Variants in DUSP15 observed in about 807,000 individuals in gnomAD.
DUSP15 encodes dual specificity protein phosphatase 15.
Under a neutral mutation model 26.3 loss-of-function variants are expected in DUSP15, and 23 were observed. The ratio of observed to expected loss-of-function variants is 0.87; its 90% CI spans 0.63 to 1.24. The LOEUF (loss-of-function observed/expected upper bound fraction) is 1.24. Among genes scored for constraint, DUSP15 ranks in the 50% most tolerant of loss-of-function variants. The pLI is 0.00. For synonymous variants in DUSP15, 143 were observed against 135.5 expected (o/e 1.06, Z -0.39); for missense variants, 364 against 320.6 (o/e 1.14, Z -1.03).
chr20:31,846,117 G>C (rs967071025), downstream of DUSP15, among the ~76,000 whole-genome samples: 1 of 74,652 alleles, frequency 1.3e-5, no homozygotes, highest in Non-Finnish European at 2.5e-5. Context: ...CAGACACACA[G>C]AGACACACAG....
chr20:31,864,102 A>AGCACATGCAGTG, intron 4 of DUSP15, 121 bp from the exon 5 acceptor site: 11 of 1,523,486 alleles, frequency 7.2e-6, no homozygotes, highest in Admixed American at 2.0e-5. Flanking sequence ...CAGGTCAGCC[A>AGCACATGCAGTG]GCACATGCAG....
At chr20:31,851,326 G>A (rs993313156) in intron 6 of DUSP15, among the ~76,000 whole-genome samples, 3 of 152,004 alleles carry the variant, frequency 2.0e-5, no homozygotes, top group African/African-American at 7.3e-5. Context: ...CGACGATGGC[G>A]GAAAGGTGAT....
intron 9 of DUSP15, chr20:31,848,678 A>G (rs966996462): frequency 2.1e-6 from 3 of 1,453,682 alleles, no homozygotes; most frequent in Non-Finnish European, 2.7e-6. Context: ...TTTTCCAGGT[A>G]GGGTCCTACA....
downstream of DUSP15, among the ~76,000 whole-genome samples, chr20:31,859,302 G>C (rs1023539948): frequency 2.7e-5 from 4 of 146,154 alleles, no homozygotes; most frequent in South Asian, 4.4e-4. Context: ...ATTTTTTTGG[G>C]GGGGGGGGAT....
intron 4 of DUSP15, chr20:31,864,320 G>A (rs1051680298): frequency 6.4e-6 from 7 of 1,088,138 alleles, no homozygotes; most frequent in African/African-American, 3.3e-5. Flanking sequence ...CACTCCTCTG[G>A]GGTCTGCAAT....
chr20:31,850,803 G>T, intron 6 of DUSP15: 1 of 963,072 alleles, frequency 1.0e-6, no homozygotes, highest in Non-Finnish European at 1.6e-6. Flanking sequence ...CAACCAAAGG[G>T]CCTGGAGGAG....
chr20:31,851,937 C>T (rs2062476664), intron 6 of DUSP15, among the ~76,000 whole-genome samples: 1 of 152,168 alleles, frequency 6.6e-6, no homozygotes, highest in Non-Finnish European at 1.5e-5. Context: ...AGATGAGTAC[C>T]CCAGCTCATT....
downstream of DUSP15, among the ~76,000 whole-genome samples, chr20:31,857,404 G>T (rs1016215707): frequency 6.0e-5 from 9 of 151,154 alleles, no homozygotes; most frequent in East Asian, 5.8e-4. Context: ...TGATCCTCCT[G>T]CCTTGACCTC....
At chr20:31,848,575 C>T (rs1392727444) in intron 9 of DUSP15, 4 of 1,558,518 alleles carry the variant, frequency 2.6e-6, no homozygotes, top group Admixed American at 4.1e-5. Flanking sequence ...CCTGCGGGGG[C>T]GGGTGGGGCG....
Position 31,869,740 on chromosome 20 carries a change from G to A in DUSP15, c.22-143C>T, listed in dbSNP as rs560774020. The stretch of plus-strand genomic sequence containing the variant: ...CAGGGAGCACTCTCTTCCCTTTTGT[G>A]GGCCCTGAGTCCTCTGTGAGAGGGG... On this transcript the variant is annotated intron_variant, in intron 1 of 6. Transcript: ENST00000339738. 1.7e-5 allele frequency: 26 copies of A among 1,502,654 alleles called. No individual in the cohort carries two copies. The East Asian group carries it at 3.2e-4, about 19-fold the overall frequency. 93.1% of individuals were successfully genotyped at this position (1,502,654 alleles called of 1,614,324 possible).
chr20:31,846,442 T>TAGAGAGAGAG (rs71185371), downstream of DUSP15, among the ~76,000 whole-genome samples: 180 of 107,838 alleles, frequency 1.7e-3, 2 homozygotes, highest in African/African-American at 6.7e-3. Flanking sequence ...AAGGAATGAA[T>TAGAGAGAGAG]AGAGAGAGAG....
chr20:31,868,096 T>TGATATCTGCATGATA (rs2062814077), intron 2 of DUSP15, among the ~76,000 whole-genome samples: 1 of 152,256 alleles, frequency 6.6e-6, no homozygotes, highest in African/African-American at 2.4e-5. Flanking sequence ...ATCTTTTATA[T>TGATATCTGCATGATA]TCAGAATGAA....
rs2062797175 is a variant in DUSP15, at chr20:31,867,631, G to GTTTTGTTTTTTTTTTTTTT, written c.56-479_56-478insAAAAAAAAAAAAAACAAAA. 1.9e-4 allele frequency among the ~76,000 whole-genome samples: 15 copies of GTTTTGTTTTTTTTTTTTTT among 77,650 alleles called. 1 individual carries two copies. Among genetic ancestry groups the GTTTTGTTTTTTTTTTTTTT allele is most frequent in the African/African-American group, 8.2e-4 (15 of 18,298 alleles). 50.9% of individuals were successfully genotyped at this position (77,650 alleles called of 152,430 possible). ...GCTGATGTGCAATGATGCCCACAAT[G>GTTTTGTTTTTTTTTTTTTT]TTTTTTTTTTTTTTTTTTTTTTTTT... is the stretch of plus-strand genomic sequence containing the variant. On this transcript the variant is annotated intron_variant, in intron 2 of 6. Transcript: ENST00000339738.
chr20:31,857,141 G>C (rs369196355), downstream of DUSP15, among the ~76,000 whole-genome samples: 3 of 152,170 alleles, frequency 2.0e-5, no homozygotes, highest in East Asian at 1.9e-4. Flanking sequence ...GTGGAAGGAG[G>C]GGGAGGCCAC....
chr20:31,845,765 C>A, downstream of DUSP15: 1 of 607,312 alleles, frequency 1.6e-6, no homozygotes. Context: ...TAGTGGGAAG[C>A]CGAGCAGCTG....
At chr20:31,853,146 G>C (rs1047634316) in intron 6 of DUSP15, among the ~76,000 whole-genome samples, 48 of 152,190 alleles carry the variant, frequency 3.2e-4, no homozygotes, top group African/African-American at 1.2e-3. Flanking sequence ...CTCCTACTAG[G>C]ACCCCAGCTA....
intron 3 of DUSP15, among the ~76,000 whole-genome samples, 194 bp from the exon 4 acceptor site, chr20:31,865,196 C>CCATGTGA (rs2062741946): frequency 6.6e-6 from 1 of 152,158 alleles, no homozygotes; most frequent in African/African-American, 2.4e-5. Flanking sequence ...ATTCCTGAAC[C>CCATGTGA]TTCTAAGCAC....
At chr20:31,869,315 G>A (rs571563044) in intron 2 of DUSP15, among the ~76,000 whole-genome samples, 7 of 152,326 alleles carry the variant, frequency 4.6e-5, no homozygotes, top group Admixed American at 6.5e-5. Context: ...GAACACTGGG[G>A]AAGGCTGAAT....
intron 2 of DUSP15, among the ~76,000 whole-genome samples, chr20:31,867,631 GTTTTTTTTTTTTTTT>G (rs57662463): frequency 3.9e-5 from 3 of 77,652 alleles, no homozygotes; most frequent in African/African-American, 5.5e-5. Flanking sequence ...TGCCCACAAT[GTTTTTTTTTTTTTTT>G]TTTTTTTTTT....
Sources: allele counts gnomAD v4.1 joint callset (sites outside exome capture counted in the v4.1 genomes callset), GRCh38; gene constraint gnomAD v4.1.1; transcripts MANE v1.5; gene names NCBI Gene and HGNC (gene_info 2026-07-23, HGNC 2026-07-21).